PPFIA2: variants seen among roughly 807,000 people sequenced by gnomAD.
The protein encoded by PPFIA2 is PPFI scaffold protein A2, also known as liprin-alpha-2.
Under a neutral mutation model 175.5 loss-of-function variants are expected in PPFIA2, and 46 were observed. That is an observed-to-expected ratio of 0.26 (90% confidence interval 0.21 to 0.34). PPFIA2 has a LOEUF of 0.34. Among genes scored for constraint, PPFIA2 ranks in the 10% least tolerant of loss-of-function variants. The probability of loss-of-function intolerance (pLI) is 1.00; values close to 1 mark genes in which losing one functional copy is unlikely to be tolerated. For missense variants in PPFIA2, 1,179 were observed against 1,506.1 expected (o/e 0.78, Z 3.60); for synonymous variants, 568 against 511.4 (o/e 1.11, Z -1.49).
chr12:81,644,619 T>G (rs925191667), intron 4 of PPFIA2, among the ~76,000 whole-genome samples: 1 of 152,106 alleles, frequency 6.6e-6, no homozygotes, highest in Non-Finnish European at 1.5e-5. Context: ...CTATACTAAT[T>G]TAAAATAAAT....
intron 3 of PPFIA2, among the ~76,000 whole-genome samples, chr12:81,750,239 C>G (rs1568124094): frequency 7.0e-6 from 1 of 143,490 alleles, no homozygotes; most frequent in Non-Finnish European, 1.6e-5. Flanking sequence ...CTGGGACACA[C>G]CAAACAGTGT....
intron 3 of PPFIA2, among the ~76,000 whole-genome samples, chr12:81,712,715 A>G (rs745707550): frequency 1.3e-5 from 2 of 150,938 alleles, no homozygotes; most frequent in Non-Finnish European, 2.9e-5. Context: ...GACTCTAACA[A>G]TAACATAAAA....
chr12:81,451,162 T>C (rs1278430243), intron 5 of PPFIA2, among the ~76,000 whole-genome samples: 2 of 152,100 alleles, frequency 1.3e-5, no homozygotes, highest in African/African-American at 4.8e-5. Flanking sequence ...TGCATGTTTG[T>C]GTGTGAATAT....
At chr12:81,621,481 CA>C (rs2062036030) in intron 4 of PPFIA2, among the ~76,000 whole-genome samples, 1 of 152,104 alleles carries the variant, frequency 6.6e-6, no homozygotes, top group Non-Finnish European at 1.5e-5. Context: ...AATAAATGAC[CA>C]AGATTTTGAA....
chr12:81,687,998 C>T (rs2074679495), intron 3 of PPFIA2, among the ~76,000 whole-genome samples: 1 of 151,866 alleles, frequency 6.6e-6, no homozygotes, highest in Admixed American at 6.6e-5. Flanking sequence ...GTATAAATCT[C>T]CATTAGATTT....
chr12:81,340,193 T>A (rs1237080007), intron 20 of PPFIA2, among the ~76,000 whole-genome samples: 1 of 152,078 alleles, frequency 6.6e-6, no homozygotes, highest in Admixed American at 6.6e-5. Flanking sequence ...AGAAGTAATA[T>A]TTTGAAGCTG....
At chr12:81,393,189 A>G (rs1364793879) in intron 8 of PPFIA2, among the ~76,000 whole-genome samples, 1 of 152,130 alleles carries the variant, frequency 6.6e-6, no homozygotes, top group Non-Finnish European at 1.5e-5. Context: ...ACATTACAGC[A>G]TGAAATAAAC....
At chr12:81,676,425 C>T (rs1455661520) in intron 4 of PPFIA2, among the ~76,000 whole-genome samples, 4 of 151,916 alleles carry the variant, frequency 2.6e-5, no homozygotes, top group Admixed American at 2.6e-4. Flanking sequence ...TACTATTTAT[C>T]ACATGGACAT....
At chr12:81,462,734 T>C (rs765904079) in intron 4 of PPFIA2, among the ~76,000 whole-genome samples, 1 of 151,390 alleles carries the variant, frequency 6.6e-6, no homozygotes, top group Non-Finnish European at 1.5e-5. Flanking sequence ...GCTCTAGTGC[T>C]GAAGCTCACT....
intron 4 of PPFIA2, among the ~76,000 whole-genome samples, chr12:81,645,020 T>C (rs1323046200): frequency 6.6e-6 from 1 of 151,996 alleles, no homozygotes; most frequent in Non-Finnish European, 1.5e-5. Flanking sequence ...GGAACAGAAA[T>C]TCTTCTCTGG....
chr12:81,551,910 T>A (rs2067993375), intron 4 of PPFIA2, among the ~76,000 whole-genome samples: 1 of 151,856 alleles, frequency 6.6e-6, no homozygotes, highest in Admixed American at 6.6e-5. Flanking sequence ...CTGGATTAAT[T>A]ACTTTAATTT....
At chr12:81,282,962 T>C (rs2042412059) in intron 26 of PPFIA2, 48 bp downstream of exon 26, 1 of 1,521,954 alleles carries the variant, frequency 6.6e-7, no homozygotes, top group African/African-American at 1.4e-5. Flanking sequence ...TATATTCTCA[T>C]TGCCTACTAA....
At position 81,586,388 on chromosome 12, in the gene PPFIA2, C is replaced by T. The variant is rs1431054367; in HGVS notation, c.303+90403G>A. ...GTAATAGCATTGACTCTTTTTGACT[C>T]CCAGTGATACAAATTTCTTTAAATC... On this transcript the variant is annotated intron_variant, in intron 4 of 32. Coordinates refer to ENST00000549396, the MANE Select transcript of PPFIA2 (RefSeq NM_003625.5). Among the ~76,000 whole-genome samples the T allele has an allele frequency of 2.4e-4, 37 of 151,780 alleles. No homozygotes were observed. In the Admixed American group the frequency reaches 2.4e-3, roughly 10 times the overall value.
At chr12:81,507,430 T>C (rs1202024155) in intron 4 of PPFIA2, among the ~76,000 whole-genome samples, 1 of 152,000 alleles carries the variant, frequency 6.6e-6, no homozygotes, top group African/African-American at 2.4e-5. Flanking sequence ...ATTATTAAAA[T>C]GTCTGAGAAA....
intron 2 of PPFIA2, among the ~76,000 whole-genome samples, chr12:81,755,876 C>T (rs1392811740): frequency 6.6e-6 from 1 of 152,012 alleles, no homozygotes; most frequent in African/African-American, 2.4e-5. Context: ...ACCCTGATAC[C>T]CACACTTGAT....
intron 30 of PPFIA2, among the ~76,000 whole-genome samples, chr12:81,264,877 G>A (rs1019910741): frequency 7.9e-5 from 12 of 152,170 alleles, no homozygotes; most frequent in African/African-American, 2.7e-4. Flanking sequence ...CAGCCTCTAC[G>A]ACTTCTTGAT....
chr12:81,446,664 GC>G (rs1470273280), intron 5 of PPFIA2, among the ~76,000 whole-genome samples: 1 of 152,052 alleles, frequency 6.6e-6, no homozygotes, highest in African/African-American at 2.4e-5. Context: ...GTCTACTTAT[GC>G]AAAATAAAGA....
chr12:81,346,362 G>C (rs1403797195), intron 18 of PPFIA2, among the ~76,000 whole-genome samples: 2 of 151,754 alleles, frequency 1.3e-5, no homozygotes, highest in African/African-American at 2.4e-5. Flanking sequence ...ACTCTCTGTT[G>C]AGATAATGCC....
At chr12:81,698,045 C>A (rs748037928) in intron 3 of PPFIA2, among the ~76,000 whole-genome samples, 1 of 151,944 alleles carries the variant, frequency 6.6e-6, no homozygotes, top group Non-Finnish European at 1.5e-5. Flanking sequence ...TAAATGTCAC[C>A]ATGGATATAA....
Sources: allele counts gnomAD v4.1 joint callset (sites outside exome capture counted in the v4.1 genomes callset), GRCh38; gene constraint gnomAD v4.1.1; transcripts MANE v1.5; gene names NCBI Gene and HGNC (gene_info 2026-07-23, HGNC 2026-07-21).